Variants in BUD23 observed in about 807,000 individuals in gnomAD.
The protein encoded by BUD23 is BUD23 rRNA methyltransferase and ribosome maturation factor.
In BUD23, 34 loss-of-function variants were observed where a neutral mutation model predicts 47.0. That is an observed-to-expected ratio of 0.72 (90% CI 0.55 to 0.96). BUD23 has a LOEUF of 0.96. Ranked by LOEUF, BUD23 falls within the 40% of genes least tolerant of loss-of-function variation. BUD23 has a pLI of 0.00. For synonymous variants in BUD23, 124 were observed against 132.0 expected (o/e 0.94, Z 0.41); for missense variants, 343 against 361.2 (o/e 0.95, Z 0.41).
At chr7:73,697,242 G>T (rs918148494) in intron 10 of BUD23, 21 of 578,264 alleles carry the variant, frequency 3.6e-5, no homozygotes, top group Admixed American at 1.8e-4. Flanking sequence ...GTGAACTGTC[G>T]ACTGTGCTCT....
In BUD23 at chr7:73,684,923, CAAAAAAAAAAAAAAAAAA is replaced by C. The variant is rs56229090; in HGVS notation, c.86+1138_86+1155del. Reference sequence around the variant, plus strand: ...TGGGCGACAGAGCAAGACTTTGTTTCAAAAAAAAAAAAAAAAAAAAAAAAAAAAAAAAAAAAGATACTT... The same window carrying C: ...TGGGCGACAGAGCAAGACTTTGTTTCAAAAAAAAAAAAAAAAAAGATACTT... On this transcript the variant is annotated intron_variant, in intron 2 of 11. Coordinates refer to ENST00000265758, the MANE Select transcript of BUD23 (RefSeq NM_017528.5). Among the ~76,000 whole-genome samples, 145 of 49,140 alleles carry C rather than the reference CAAAAAAAAAAAAAAAAAA, an allele frequency of 3.0e-3. 1 individual carries two copies. Among genetic ancestry groups the C allele is most frequent in the African/African-American group, 9.5e-3 (84 of 8,828 alleles). 32.2% of individuals were successfully genotyped at this position (49,140 alleles called of 152,430 possible).
At position 73,687,014 on chromosome 7, in the gene BUD23, G is replaced by T. The variant is rs781981931; in HGVS notation, c.281G>T (p.Arg94Leu). Residue 94 changes from arginine to leucine, a missense_variant, in exon 5 of 12, where the codon CGA becomes CTA. Transcript: ENST00000265758. The stretch of plus-strand genomic sequence containing the variant: ...TCTAATGTAGATGAGGCTGTGGACC[G>T]AGAGATAGAGGGAGACCTGCTGCTG... ...SPAMLDEAVD[R>L]EIEGDLLLGD... 1 of 1,614,168 alleles carries T rather than the reference G, an allele frequency of 6.2e-7. No individual in the cohort carries two copies. Among genetic ancestry groups the T allele is most frequent in the Non-Finnish European group, 8.5e-7 (1 of 1,180,030 alleles).
chr7:73,694,832 C>T (rs1326432948), intron 10 of BUD23: 1 of 152,452 alleles, frequency 6.6e-6, no homozygotes, highest in Non-Finnish European at 1.5e-5. Flanking sequence ...GTGCTGGGCC[C>T]AGCCTGGATT....
chr7:73,696,368 A>G (rs1217601688), intron 10 of BUD23: 5 of 152,116 alleles, frequency 3.3e-5, no homozygotes, highest in African/African-American at 1.2e-4. Context: ...CCTCCCTCCC[A>G]GGGGAAGTAC....
rs1353562623 is a variant in BUD23 at position 73,683,691 on chromosome 7, C to T, written c.48+18C>T. On this transcript the variant is annotated intron_variant, in intron 1 of 11. Transcript: ENST00000265758. ...CAGAGCTGGTAAGTCCCGGGGCCCG[C>T]GGACACCCCTCTCCCCACTTCTGCG... The T allele has an allele frequency of 5.6e-6, 9 of 1,613,724 alleles. No homozygotes were observed. The highest frequency in any genetic ancestry group is 6.8e-6 in the Non-Finnish European group (8 of 1,179,996).
At chr7:73,694,250 C>G in intron 10 of BUD23, 200 bp downstream of exon 10, 1 of 563,342 alleles carries the variant, frequency 1.8e-6, no homozygotes, top group Non-Finnish European at 3.0e-6. Context: ...CTGGGTGCAG[C>G]CATGCAGCCT....
chr7:73,693,554 G>A, intron 8 of BUD23, 70 bp from the exon 9 acceptor site: 1 of 1,606,978 alleles, frequency 6.2e-7, no homozygotes, highest in Non-Finnish European at 8.5e-7. Flanking sequence ...GTGCGGGTGG[G>A]GGAGCTGAGG....
rs1308068785 is a variant in BUD23, at chr7:73,690,948, A to T, written c.395A>T (p.Asn132Ile). 6.2e-7 allele frequency: 1 copy of T among 1,614,164 alleles called. No individual in the cohort carries two copies. The highest frequency in any genetic ancestry group is 1.3e-5 in the African/African-American group (1 of 75,024). Reference sequence around the variant, plus strand: ...GCTGTGCAGTGGCTCTGTAATGCTAACAAGAAGTCTGAAAACCCTGCCAAG... The same window carrying T: ...GCTGTGCAGTGGCTCTGTAATGCTATCAAGAAGTCTGAAAACCCTGCCAAG... Reference protein sequence around the residue: ...ISAVQWLCNANKKSENPAKRL... With the variant: ...ISAVQWLCNAIKKSENPAKRL... Residue 132 changes from asparagine to isoleucine, a missense_variant, in exon 6 of 12, where the codon AAC becomes ATC. Transcript: ENST00000265758.
Position 73,693,497 on chromosome 7 carries a change from GA to G in BUD23, c.596+84del, listed in dbSNP as rs1554614387. Reference sequence around the variant, plus strand: ...CCCTTTCAGGCCACTCAGTGGTGCAGAGGAGTGCTGGGGTGTGGGTCACCAG... The same window carrying G: ...CCCTTTCAGGCCACTCAGTGGTGCAGGGAGTGCTGGGGTGTGGGTCACCAG... On this transcript the variant is annotated intron_variant, in intron 8 of 11. Coordinates refer to ENST00000265758, the MANE Select transcript of BUD23 (RefSeq NM_017528.5). 2.1e-4 allele frequency: 343 copies of G among 1,599,012 alleles called. 2 individuals are homozygous for G. The African/African-American group carries it at 3.4e-3, about 16-fold the overall frequency.
Position 73,693,315 on chromosome 7 carries a change from C to G in BUD23, c.511-14C>G. 1.2e-6 allele frequency: 2 copies of G among 1,613,004 alleles called. No individual in the cohort carries two copies. Among genetic ancestry groups the G allele is most frequent in the East Asian group, 2.2e-5 (1 of 44,850 alleles). ...CAACCTCCGCTGCCTGACCCGCTGCCTTTCTTTCCTCAGTTGGAGCTGATC... is the reference window on the plus strand; with the variant it reads ...CAACCTCCGCTGCCTGACCCGCTGCGTTTCTTTCCTCAGTTGGAGCTGATC... On this transcript the variant is annotated splice_polypyrimidine_tract_variant and intron_variant, in intron 7 of 11. Transcript: ENST00000265758.
At chr7:73,686,791 C>A (rs1480447051) in intron 3 of BUD23, 27 bp from the exon 4 acceptor site, 2 of 1,613,918 alleles carry the variant, frequency 1.2e-6, no homozygotes, top group Non-Finnish European at 1.7e-6. Context: ...TGTAAACTGA[C>A]CCTGAGTGTC....
At chr7:73,696,848 G>C (rs1024118533) in intron 10 of BUD23, 12 of 154,480 alleles carry the variant, frequency 7.8e-5, no homozygotes, top group Non-Finnish European at 1.7e-4. Context: ...CTGTGCTTTG[G>C]GGCACTCCCC....
Position 73,693,880 on chromosome 7 carries a change from A to T in BUD23, c.643-112A>T, listed in dbSNP as rs145477455. The T allele has an allele frequency of 3.7e-5, 53 of 1,424,960 alleles. 1 individual carries two copies. In the South Asian group the frequency reaches 5.7e-4, roughly 15 times the overall value. The allele number at this position is 1,424,960 out of a possible 1,614,324, so 88.3% of individuals were successfully genotyped here. On this transcript the variant is annotated intron_variant, in intron 9 of 11. Coordinates refer to ENST00000265758, the MANE Select transcript of BUD23 (RefSeq NM_017528.5). The stretch of plus-strand genomic sequence containing the variant: ...AGGCGTGTCAGTTCCTTCTCGTGGG[A>T]CTGGACCTCGTCCCTGTCGGAAGGG...
chr7:73,686,027 C>T (rs1448143703), intron 2 of BUD23, among the ~76,000 whole-genome samples: 5 of 150,768 alleles, frequency 3.3e-5, no homozygotes, highest in Non-Finnish European at 7.4e-5. Flanking sequence ...ACCCGGGAGG[C>T]GGAGCTTGCA....
intron 7 of BUD23, chr7:73,692,883 G>T: frequency 1.8e-6 from 1 of 557,488 alleles, no homozygotes. Context: ...AAGGTGATGC[G>T]ACTGATTTCC....
chr7:73,683,738 C>T lies in BUD23; in HGVS notation c.49-29C>T, dbSNP rs782705915. 1.1e-5 allele frequency: 17 copies of T among 1,614,106 alleles called. No individual in the cohort carries two copies. The South Asian group carries it at 1.1e-4, about 10-fold the overall frequency. ...TGCGGCCACCGCGTCTGAATTATTC[C>T]TCTACATGCCATTTTCTCTTTTTCG... On this transcript the variant is annotated intron_variant, in intron 1 of 11. Coordinates refer to ENST00000265758, the MANE Select transcript of BUD23 (RefSeq NM_017528.5).
chr7:73,690,204 C>T (rs782422030), intron 5 of BUD23, among the ~76,000 whole-genome samples: 9 of 152,066 alleles, frequency 5.9e-5, no homozygotes, highest in Non-Finnish European at 8.8e-5. Flanking sequence ...GGGGTTTCAC[C>T]GTGTTGGTCA....
rs986015874 is a variant in BUD23 at position 73,690,774 on chromosome 7, C to T, written c.363-142C>T. The T allele has an allele frequency of 4.8e-5, 32 of 672,034 alleles. No homozygotes were observed. The African/African-American group carries it at 5.6e-4, about 12-fold the overall frequency. 41.6% of individuals were successfully genotyped at this position (672,034 alleles called of 1,614,324 possible). ...GGCGTTGAACCACTGTACGTGGCCT[C>T]AACCTGCACTTTCTAAGAAGGGAAG... On this transcript the variant is annotated intron_variant, in intron 5 of 11. Transcript: ENST00000265758.
At chr7:73,689,510 G>A (rs1306778649) in intron 5 of BUD23, among the ~76,000 whole-genome samples, 1 of 152,162 alleles carries the variant, frequency 6.6e-6, no homozygotes, top group Non-Finnish European at 1.5e-5. Flanking sequence ...AGTGGTGTGT[G>A]CCCTAGGGAG....
Sources: allele counts gnomAD v4.1 joint callset (sites outside exome capture counted in the v4.1 genomes callset), GRCh38; gene constraint gnomAD v4.1.1; transcripts MANE v1.5; gene names NCBI Gene and HGNC (gene_info 2026-07-23, HGNC 2026-07-21).